The following CAPN2 variants were observed in gnomAD, a reference collection of about 807,000 sequenced individuals.
CAPN2 encodes calpain 2.
In CAPN2, 92 loss-of-function variants were observed where a neutral mutation model predicts 102.3. The observed-to-expected ratio is 0.90, with a 90% confidence interval of 0.76 to 1.07. CAPN2 has a LOEUF of 1.07. Ranked by LOEUF, CAPN2 falls within the 50% of genes least tolerant of loss-of-function variation. The pLI is 0.00. For missense variants in CAPN2, 800 were observed against 909.4 expected, an observed-to-expected ratio of 0.88 and a Z score of 1.55; for synonymous variants, 340 against 355.4, an observed-to-expected ratio of 0.96 and a Z score of 0.49.
chr1:223,745,171 G>C, intron 3 of CAPN2, 135 bp from the exon 4 acceptor site: 1 of 1,138,892 alleles, frequency 8.8e-7, no homozygotes, highest in African/African-American at 1.5e-5. Flanking sequence ...GAGAGTTAAG[G>C]GAGCACCTCC....
intron 5 of CAPN2, among the ~76,000 whole-genome samples, chr1:223,748,652 AC>A (rs796426301): frequency 6.7e-6 from 1 of 148,958 alleles, no homozygotes; most frequent in Non-Finnish European, 1.5e-5. Flanking sequence ...GCCATCGAGG[AC>A]CCCCTCCGGC....
intron 20 of CAPN2, chr1:223,772,563 C>G (rs16842177): frequency 0.013 from 3,687 of 294,268 alleles, 122 homozygotes; most frequent in African/African-American, 0.073. Context: ...CAAGGGAGAA[C>G]ATGTTTATAT....
intron 1 of CAPN2, among the ~76,000 whole-genome samples, chr1:223,715,580 C>T (rs1659856146): frequency 6.6e-6 from 1 of 152,076 alleles, no homozygotes; most frequent in Non-Finnish European, 1.5e-5. Flanking sequence ...GCAAGAGTGG[C>T]TCCAGTGCCT....
upstream of CAPN2, among the ~76,000 whole-genome samples, chr1:223,708,088 T>G (rs1659651940): frequency 6.6e-6 from 1 of 152,214 alleles, no homozygotes; most frequent in South Asian, 2.1e-4. Flanking sequence ...TTGTGATGGC[T>G]TCATGAAACC....
intron 16 of CAPN2, 102 bp from the exon 17 acceptor site, chr1:223,769,739 T>A: frequency 1.2e-6 from 1 of 839,390 alleles, no homozygotes; most frequent in South Asian, 1.4e-5. Flanking sequence ...ACCCTCCTTG[T>A]GTATATGCTA....
intron 2 of CAPN2, among the ~76,000 whole-genome samples, chr1:223,722,905 A>G (rs996174618): frequency 6.6e-6 from 1 of 152,154 alleles, no homozygotes; most frequent in Non-Finnish European, 1.5e-5. Flanking sequence ...TTTAGTTGCC[A>G]AGTCTCCTTC....
rs1660230947 is a variant in CAPN2 at position 223,727,565 on chromosome 1, A to C, written c.307+9734A>C. The stretch of plus-strand genomic sequence containing the variant: ...GAATGCCATTTGGGGAGCCTGGTGC[A>C]AGGGAGTGGCCGGATGGGAGGTAGG... On this transcript the variant is annotated intron_variant, in intron 2 of 20. Transcript: ENST00000295006. This position sits in a 1 kb window ranked among gnomAD's most constrained non-coding sequence, Gnocchi z 4.1. Among the ~76,000 whole-genome samples the C allele has an allele frequency of 6.6e-6, 1 of 152,202 alleles. No homozygotes were observed. The highest frequency in any genetic ancestry group is 2.1e-4 in the South Asian group (1 of 4,830).
intron 2 of CAPN2, among the ~76,000 whole-genome samples, chr1:223,736,405 G>A (rs571160224): frequency 1.4e-4 from 21 of 152,328 alleles, no homozygotes; most frequent in African/African-American, 4.8e-4. Context: ...AGAATCAAGC[G>A]GTAAGGTCAG....
At chr1:223,741,189 T>C (rs941600118) in intron 2 of CAPN2, among the ~76,000 whole-genome samples, 4 of 151,836 alleles carry the variant, frequency 2.6e-5, no homozygotes, top group African/African-American at 9.7e-5. Context: ...CGAGCAGATA[T>C]TAAAATAAAG....
At chr1:223,713,273 G>A (rs1659790887) in intron 1 of CAPN2, among the ~76,000 whole-genome samples, 1 of 152,162 alleles carries the variant, frequency 6.6e-6, no homozygotes, top group Non-Finnish European at 1.5e-5. Flanking sequence ...ACGGTGAGAG[G>A]CAGCATCTAC....
At chr1:223,729,677 G>A (rs1441217347) in intron 2 of CAPN2, among the ~76,000 whole-genome samples, 1 of 152,178 alleles carries the variant, frequency 6.6e-6, no homozygotes, top group Non-Finnish European at 1.5e-5. Context: ...CTGATTGGCA[G>A]TTAATTGAAA....
chr1:223,752,873 A>T lies in CAPN2; in HGVS notation c.1052A>T (p.Asp351Val), dbSNP rs1660938080. Residue 351 changes from aspartate (D) to valine (V), a missense_variant, in exon 9 of 21, where the codon GAT (aspartate) becomes GTT (valine). Transcript: ENST00000295006. ...CTGACCCCAGACACTCTCACCAGCG[A>T]TACCTACAAGAAGTGGAAACTCACC... Reference protein sequence around the residue: ...CNLTPDTLTSDTYKKWKLTKM... With the variant: ...CNLTPDTLTSVTYKKWKLTKM... 2 of 1,614,168 alleles carry T rather than the reference A, an allele frequency of 1.2e-6. No homozygotes were observed. Among genetic ancestry groups the T allele is most frequent in the Non-Finnish European group, 1.7e-6 (2 of 1,180,010 alleles).
In CAPN2 at chr1:223,726,714, T is replaced by G. The variant is rs1252560144; in HGVS notation, c.307+8883T>G. 6.6e-6 allele frequency among the ~76,000 whole-genome samples: 1 copy of G among 152,162 alleles called. No homozygotes were observed. Among genetic ancestry groups the G allele is most frequent in the Admixed American group, 6.5e-5 (1 of 15,272 alleles). On this transcript the variant is annotated intron_variant, in intron 2 of 20. Transcript: ENST00000295006. The surrounding 1 kb of genome is among the most constrained non-coding windows in gnomAD (Gnocchi z 4.4). Reference sequence around the variant, plus strand: ...TTTAGGGAAGGAGGCTGAAGACTTCTTGTTAATAAGGGTGGGGCATGAGTA... The same window carrying G: ...TTTAGGGAAGGAGGCTGAAGACTTCGTGTTAATAAGGGTGGGGCATGAGTA...
Position 223,731,931 on chromosome 1 carries a change from G to A in CAPN2, c.308-12169G>A, listed in dbSNP as rs1660347854. Among the ~76,000 whole-genome samples the A allele has an allele frequency of 6.6e-6, 1 of 152,156 alleles. No homozygotes were observed. Among genetic ancestry groups the A allele is most frequent in the Non-Finnish European group, 1.5e-5 (1 of 68,032 alleles). The stretch of plus-strand genomic sequence containing the variant: ...GTAAGCTGAGTTCTTTCCCTACTTG[G>A]TATCAGTTGCAAAGAAAGAACACTC... On this transcript the variant is annotated intron_variant, in intron 2 of 20. Coordinates refer to ENST00000295006, the MANE Select transcript of CAPN2 (RefSeq NM_001748.5). The surrounding 1 kb of genome is among the most constrained non-coding windows in gnomAD (Gnocchi z 4.2).
At chr1:223,716,710 C>A (rs1026590982) in intron 1 of CAPN2, among the ~76,000 whole-genome samples, 1 of 151,818 alleles carries the variant, frequency 6.6e-6, no homozygotes, top group African/African-American at 2.4e-5. Context: ...TTGCCTGAGC[C>A]CAGAGAGGCT....
At chr1:223,745,255 T>C (rs777119878) in intron 3 of CAPN2, 51 bp from the exon 4 acceptor site, 50 of 1,611,530 alleles carry the variant, frequency 3.1e-5, no homozygotes, top group Non-Finnish European at 4.1e-5. Context: ...AGGCTCAGAG[T>C]CCCAGTGCTG....
intron 2 of CAPN2, among the ~76,000 whole-genome samples, chr1:223,733,068 A>G (rs1334052224): frequency 6.6e-6 from 1 of 152,140 alleles, no homozygotes; most frequent in Non-Finnish European, 1.5e-5. Flanking sequence ...CAGTGCAGGC[A>G]CTGGGTGTAA....
chr1:223,755,166 G>A lies in CAPN2; in HGVS notation c.1136-314G>A, dbSNP rs977556267. Among the ~76,000 whole-genome samples the A allele has an allele frequency of 5.3e-5, 8 of 152,024 alleles. No homozygotes were observed. Among genetic ancestry groups the A allele is most frequent in the South Asian group, 2.1e-4 (1 of 4,806 alleles). On this transcript the variant is annotated intron_variant, in intron 9 of 20. Coordinates refer to ENST00000295006, the MANE Select transcript of CAPN2 (RefSeq NM_001748.5). This position sits in a 1 kb window ranked among gnomAD's most constrained non-coding sequence, Gnocchi z 4.1. ...CTAGCCTCTCCCAACATCGCCTGCCGTCTCTGACCATCTTCTGCCATCCTC... is the reference window on the plus strand; with the variant it reads ...CTAGCCTCTCCCAACATCGCCTGCCATCTCTGACCATCTTCTGCCATCCTC...
chr1:223,742,079 C>T (rs1558068309), intron 2 of CAPN2, among the ~76,000 whole-genome samples: 1 of 152,148 alleles, frequency 6.6e-6, no homozygotes, highest in Non-Finnish European at 1.5e-5. Context: ...GCTAAGTCAT[C>T]GACTAGAATT....
Sources: gnomAD v4.1 joint callset for allele counts (sites outside exome capture counted in the v4.1 genomes callset) on GRCh38, gnomAD v4.1.1 for gene constraint, Gnocchi (gnomAD v3.1) non-coding constraint, MANE v1.5 for transcripts, NCBI Gene and HGNC (gene_info 2026-07-23, HGNC 2026-07-21) for gene names.